MARCHF10: variants seen among roughly 807,000 people sequenced by gnomAD.
MARCHF10 encodes membrane associated ring-CH-type finger 10.
In MARCHF10, 64 loss-of-function variants were observed where a neutral mutation model predicts 76.2. The observed-to-expected ratio is 0.84, with a 90% CI of 0.69 to 1.03. MARCHF10 has a LOEUF of 1.03. Among genes scored for constraint, MARCHF10 ranks in the 50% least tolerant of loss-of-function variants. MARCHF10 has a pLI of 0.00. For synonymous variants in MARCHF10, 340 were observed against 357.5 expected (o/e 0.95, Z 0.55); for missense variants, 875 against 958.0 (o/e 0.91, Z 1.14).
At chr17:62,730,611 C>A (rs2090982738) in intron 6 of MARCHF10, among the ~76,000 whole-genome samples, 1 of 151,866 alleles carries the variant, frequency 6.6e-6, no homozygotes. Context: ...AATGAAGGAA[C>A]CTGGCTGGGC....
chr17:62,736,900 G>T lies in MARCHF10; in HGVS notation c.968C>A (p.Ser323Ter). 1.2e-6 allele frequency: 2 copies of T among 1,613,952 alleles called. No homozygotes were observed. The highest frequency in any genetic ancestry group is 1.7e-6 in the Non-Finnish European group (2 of 1,179,966). ...ATTTTTATTTTTGGCCTGAGGGGTC[G>T]ATGTCCCCCCAAATCTACTTCTTTT... ...HHKRSRFGGT[S>*]TPQAKNKNFE... Residue 323 changes from serine to a stop codon, truncating the protein, a stop_gained, in exon 6 of 11, where the codon TCG becomes TAG. Coordinates refer to ENST00000311269, the MANE Select transcript of MARCHF10 (RefSeq NM_152598.4). LOFTEE classifies it high-confidence loss of function.
chr17:62,798,025 A>T (rs1278934526), intron 2 of MARCHF10, among the ~76,000 whole-genome samples: 1 of 152,200 alleles, frequency 6.6e-6, no homozygotes, highest in Non-Finnish European at 1.5e-5. Context: ...GGATACAACC[A>T]TGGACATATT....
chr17:62,780,183 A>T (rs563874111), intron 3 of MARCHF10, among the ~76,000 whole-genome samples: 1 of 111,994 alleles, frequency 8.9e-6, no homozygotes, highest in Non-Finnish European at 2.0e-5. Flanking sequence ...GGCTAGTGCC[A>T]CTAGGGATCT....
At chr17:62,702,387 C>G (rs1013057689) in intron 10 of MARCHF10, among the ~76,000 whole-genome samples, 7 of 147,382 alleles carry the variant, frequency 4.7e-5, no homozygotes, top group Non-Finnish European at 1.0e-4. Flanking sequence ...TGGTGGCTCA[C>G]GCCTGTAATC....
chr17:62,711,325 T>A lies in MARCHF10; in HGVS notation c.2234A>T (p.Asn745Ile). 6.2e-7 allele frequency: 1 copy of A among 1,614,200 alleles called. No individual in the cohort carries two copies. Among genetic ancestry groups the A allele is most frequent in the Non-Finnish European group, 8.5e-7 (1 of 1,180,022 alleles). ...CAGCAGCACCAGGTACAAGCCTGAA[T>A]TCATCAGCTCGTTTTGTGCCTACAA... Reference protein sequence around the residue: ...QQSQAQNELMNSGLYLVLLLH... With the variant: ...QQSQAQNELMISGLYLVLLLH... The change falls in exon 9 of 11, where the codon AAT (asparagine) becomes ATT (isoleucine). Residue 745 changes from asparagine to isoleucine, a missense_variant. Coordinates refer to ENST00000311269, the MANE Select transcript of MARCHF10 (RefSeq NM_152598.4). This position sits in a 1 kb window ranked among gnomAD's most constrained non-coding sequence, Gnocchi z 4.4.
intron 3 of MARCHF10, among the ~76,000 whole-genome samples, chr17:62,777,822 A>C (rs1179792610): frequency 1.3e-5 from 2 of 151,674 alleles, no homozygotes; most frequent in African/African-American, 4.8e-5. Context: ...CCTACTCCAC[A>C]AGGAGCAGTC....
chr17:62,790,901 T>G (rs1311857923), intron 2 of MARCHF10, among the ~76,000 whole-genome samples: 1 of 152,230 alleles, frequency 6.6e-6, no homozygotes, highest in Non-Finnish European at 1.5e-5. Flanking sequence ...AGTGGTCACC[T>G]GCAGGAAGTG....
At chr17:62,797,361 C>T (rs1242504285) in intron 2 of MARCHF10, among the ~76,000 whole-genome samples, 7 of 152,094 alleles carry the variant, frequency 4.6e-5, no homozygotes, top group African/African-American at 1.4e-4. Flanking sequence ...CCTGACACCA[C>T]GCCCAGCTAA....
chr17:62,746,717 G>C (rs2091717733), intron 4 of MARCHF10: 1 of 617,050 alleles, frequency 1.6e-6, no homozygotes, highest in African/African-American at 1.9e-5. Context: ...AGTCTAGAAG[G>C]TCAGGACCTG....
chr17:62,789,853 G>C (rs2092812928), intron 2 of MARCHF10, among the ~76,000 whole-genome samples: 1 of 152,132 alleles, frequency 6.6e-6, no homozygotes, highest in African/African-American at 2.4e-5. Context: ...AGAATTGCTT[G>C]AACCTGGGAG....
In MARCHF10 at chr17:62,738,878, T is replaced by C. The variant is rs1265539247; in HGVS notation, c.536-1546A>G. Among the ~76,000 whole-genome samples the C allele has an allele frequency of 6.6e-6, 1 of 152,254 alleles. No individual in the cohort carries two copies. Among genetic ancestry groups the C allele is most frequent in the East Asian group, 1.9e-4 (1 of 5,196 alleles). ...AGATGCAGCAGCAATTCAAGGATGC[T>C]TTGAGCATCTGGCTGTGGAACTACA... is the stretch of plus-strand genomic sequence containing the variant. On this transcript the variant is annotated intron_variant, in intron 5 of 10. Transcript: ENST00000311269. This position sits in a 1 kb window ranked among gnomAD's most constrained non-coding sequence, Gnocchi z 4.0.
At chr17:62,702,889 G>A (rs2089332463) in intron 10 of MARCHF10, among the ~76,000 whole-genome samples, 1 of 152,144 alleles carries the variant, frequency 6.6e-6, no homozygotes, top group African/African-American at 2.4e-5. Context: ...GGTGTTTGGG[G>A]AGGTGCTCTG....
intron 3 of MARCHF10, among the ~76,000 whole-genome samples, chr17:62,760,443 G>A (rs994717599): frequency 1.3e-5 from 2 of 152,134 alleles, no homozygotes; most frequent in African/African-American, 2.4e-5. Context: ...ATAGTGTGAC[G>A]GAGGCAGATT....
intron 10 of MARCHF10, among the ~76,000 whole-genome samples, chr17:62,704,525 T>C (rs896779824): frequency 1.3e-5 from 2 of 152,226 alleles, no homozygotes; most frequent in Non-Finnish European, 2.9e-5. Flanking sequence ...TTGGCTTCTC[T>C]AGGGTCGTAA....
chr17:62,753,670 C>T (rs1243540063), intron 4 of MARCHF10, among the ~76,000 whole-genome samples: 3 of 152,206 alleles, frequency 2.0e-5, no homozygotes, highest in Admixed American at 1.3e-4. Context: ...TGCTGCCAGG[C>T]ACATCTTTCT....
intron 1 of MARCHF10, chr17:62,804,785 CTCTT>C (rs1184223133): frequency 6.6e-6 from 1 of 151,956 alleles, no homozygotes; most frequent in Non-Finnish European, 1.5e-5. Context: ...TCTACTGAAG[CTCTT>C]TCATTTATTT....
intron 2 of MARCHF10, among the ~76,000 whole-genome samples, chr17:62,795,811 T>C (rs2092975135): frequency 6.6e-6 from 1 of 152,178 alleles, no homozygotes; most frequent in Non-Finnish European, 1.5e-5. Context: ...TTGTATGCCC[T>C]GAAATGGGGA....
intron 7 of MARCHF10, among the ~76,000 whole-genome samples, chr17:62,722,892 T>C (rs1290641937): frequency 1.3e-5 from 2 of 151,992 alleles, no homozygotes; most frequent in Non-Finnish European, 2.9e-5. Flanking sequence ...AAACTTGGAA[T>C]TGCTGCACAG....
At chr17:62,727,975 G>A (rs1330692025) in intron 6 of MARCHF10, among the ~76,000 whole-genome samples, 2 of 152,198 alleles carry the variant, frequency 1.3e-5, no homozygotes, top group Non-Finnish European at 2.9e-5. Context: ...AGGTGGCATA[G>A]TGCCTCTCCC....
Sources: gnomAD v4.1 joint callset for allele counts (sites outside exome capture counted in the v4.1 genomes callset) on GRCh38, gnomAD v4.1.1 for gene constraint, Gnocchi (gnomAD v3.1) non-coding constraint, MANE v1.5 for transcripts, NCBI Gene and HGNC (gene_info 2026-07-23, HGNC 2026-07-21) for gene names.